NCKAP5: variants seen among roughly 807,000 people sequenced by gnomAD.
NCKAP5 encodes nck-associated protein 5.
In NCKAP5, 92 loss-of-function variants were observed where a neutral mutation model predicts 167.0. That is an observed-to-expected ratio of 0.55 (90% CI 0.47 to 0.66). The LOEUF (loss-of-function observed/expected upper bound fraction) is 0.66. Among genes scored for constraint, NCKAP5 ranks in the 30% least tolerant of loss-of-function variants. The pLI is 0.00. For missense variants in NCKAP5, 2,378 were observed against 2,315.0 expected (o/e 1.03, Z -0.56); for synonymous variants, 891 against 877.4 (o/e 1.02, Z -0.27).
intron 11 of NCKAP5, among the ~76,000 whole-genome samples, chr2:132,803,874 G>GA (rs140728356): frequency 6.6e-6 from 1 of 152,094 alleles, no homozygotes; most frequent in African/African-American, 2.4e-5. Flanking sequence ...ACACAAAGGA[G>GA]AAAAAAATAC....
At chr2:133,336,915 C>T (rs1204900875) in intron 3 of NCKAP5, among the ~76,000 whole-genome samples, 1 of 152,120 alleles carries the variant, frequency 6.6e-6, no homozygotes, top group Admixed American at 6.5e-5. Flanking sequence ...AGAAGGGGCA[C>T]TCGTTAAATA....
the NCKAP5 span, among the ~76,000 whole-genome samples, chr2:133,603,243 T>A: frequency 5.8e-5 from 8 of 138,378 alleles, no homozygotes; most frequent in Non-Finnish European, 1.3e-4. Context: ...TTTTTTTTTT[T>A]AAGACAGAGT....
At chr2:132,909,673 T>C (rs1220686200) in intron 8 of NCKAP5, among the ~76,000 whole-genome samples, 1 of 152,184 alleles carries the variant, frequency 6.6e-6, no homozygotes, top group African/African-American at 2.4e-5. Context: ...GATTCATCCA[T>C]TGGGATAATT....
rs1475935676 is a variant in NCKAP5 at position 132,785,312 on chromosome 2, C to T, written c.1499G>A (p.Gly500Asp). Reference sequence around the variant, plus strand: ...GGAAACACTGTGGGTTAATTTACTGCCATGTGGCCTGCAGCTCTGGTTTGG... The same window carrying T: ...GGAAACACTGTGGGTTAATTTACTGTCATGTGGCCTGCAGCTCTGGTTTGG... ...AVPNQSCRPH[G>D]SKLTHSVSDS... The change falls in exon 14 of 20, where the codon GGC becomes GAC. Residue 500 changes from glycine (G) to aspartate (D), a missense_variant. By Grantham distance (94) the Gly-to-Asp change is moderately conservative (BLOSUM62 -1). Coordinates refer to ENST00000409261, the MANE Select transcript of NCKAP5 (RefSeq NM_207363.3). The T allele has an allele frequency of 5.0e-6, 8 of 1,610,222 alleles. No homozygotes were observed. In the African/African-American group the frequency reaches 1.1e-4, roughly 22 times the overall value.
chr2:132,841,388 C>T (rs1054508381), intron 11 of NCKAP5, among the ~76,000 whole-genome samples: 3 of 152,038 alleles, frequency 2.0e-5, no homozygotes, highest in Non-Finnish European at 4.4e-5. Context: ...TACTTTCAAT[C>T]CAATGAGTTA....
chr2:133,510,642 G>A (rs1028026919), intron 3 of NCKAP5, among the ~76,000 whole-genome samples: 26 of 152,312 alleles, frequency 1.7e-4, no homozygotes, highest in South Asian at 1.0e-3. Flanking sequence ...TACAGCAGAC[G>A]TGCTAATGCA....
At chr2:133,012,664 G>A (rs1384637081) in intron 6 of NCKAP5, among the ~76,000 whole-genome samples, 1 of 152,026 alleles carries the variant, frequency 6.6e-6, no homozygotes, top group Non-Finnish European at 1.5e-5. Flanking sequence ...TTGCCTCCAT[G>A]ACTGCCTTCT....
chr2:132,683,907 G>A (rs1425820964), intron 19 of NCKAP5, among the ~76,000 whole-genome samples: 1 of 152,174 alleles, frequency 6.6e-6, no homozygotes, highest in Non-Finnish European at 1.5e-5. Context: ...ATTACTGGAT[G>A]TATCAAACCA....
At chr2:133,448,233 G>A (rs1303723491) in intron 3 of NCKAP5, among the ~76,000 whole-genome samples, 1 of 150,198 alleles carries the variant, frequency 6.7e-6, no homozygotes, top group Non-Finnish European at 1.5e-5. Context: ...CCAATAATAG[G>A]TTTGATATTG....
chr2:133,217,637 G>A (rs753706385), intron 4 of NCKAP5, among the ~76,000 whole-genome samples: 4 of 151,932 alleles, frequency 2.6e-5, no homozygotes, highest in East Asian at 1.9e-4. Flanking sequence ...TGTAACAGCC[G>A]GTTGCCTGAG....
At chr2:133,578,123 A>G in the NCKAP5 span, among the ~76,000 whole-genome samples, 8 of 152,136 alleles carry the variant, frequency 5.3e-5, no homozygotes, top group South Asian at 4.1e-4. Flanking sequence ...GCCTAACACC[A>G]TCTAATTGCC....
chr2:133,054,693 A>G, intron 6 of NCKAP5, among the ~76,000 whole-genome samples: 1 of 152,220 alleles, frequency 6.6e-6, no homozygotes, highest in East Asian at 1.9e-4. Context: ...TAAAAAGTGC[A>G]AAGAGGAAAT....
intron 4 of NCKAP5, among the ~76,000 whole-genome samples, chr2:133,292,138 G>T (rs1679642232): frequency 6.6e-6 from 1 of 152,110 alleles, no homozygotes; most frequent in Admixed American, 6.5e-5. Flanking sequence ...TTTTAATCTA[G>T]AGTTACCCAT....
chr2:132,761,300 T>G (rs1207428786), intron 16 of NCKAP5, among the ~76,000 whole-genome samples: 1 of 152,174 alleles, frequency 6.6e-6, no homozygotes, highest in East Asian at 1.9e-4. Flanking sequence ...TGAGGAACGT[T>G]AAAGAACATG....
chr2:133,096,861 T>G (rs2081359270), intron 6 of NCKAP5, among the ~76,000 whole-genome samples: 1 of 152,198 alleles, frequency 6.6e-6, no homozygotes, highest in Non-Finnish European at 1.5e-5. Flanking sequence ...TTGTGATAAC[T>G]TGGAGGCTGA....
intron 4 of NCKAP5, among the ~76,000 whole-genome samples, chr2:133,272,811 T>TAAGGA (rs2089573371): frequency 2.6e-5 from 4 of 152,200 alleles, no homozygotes; most frequent in Non-Finnish European, 5.9e-5. Context: ...ATACAATGTT[T>TAAGGA]AGCCCTTTCT....
At chr2:132,987,391 A>C (rs1286219693) in intron 7 of NCKAP5, among the ~76,000 whole-genome samples, 1 of 152,194 alleles carries the variant, frequency 6.6e-6, no homozygotes. Context: ...CATACCATAA[A>C]AGGAACTGGA....
At chr2:133,243,873 G>A (rs1452454281) in intron 4 of NCKAP5, among the ~76,000 whole-genome samples, 3 of 152,124 alleles carry the variant, frequency 2.0e-5, no homozygotes, top group African/African-American at 4.8e-5. Context: ...CACTTGTAAC[G>A]TGTTTTTCTT....
At chr2:132,842,113 C>T (rs1052316842) in intron 11 of NCKAP5, among the ~76,000 whole-genome samples, 12 of 152,034 alleles carry the variant, frequency 7.9e-5, no homozygotes, top group African/African-American at 2.4e-4. Flanking sequence ...GTTTTTAGGA[C>T]CTTTTTCAAT....
Sources: allele counts gnomAD v4.1 joint callset (sites outside exome capture counted in the v4.1 genomes callset), GRCh38; gene constraint gnomAD v4.1.1; transcripts MANE v1.5; gene names NCBI Gene and HGNC (gene_info 2026-07-23, HGNC 2026-07-21).